The following SGCZ variants were observed in gnomAD, a reference collection of about 807,000 sequenced individuals.
The protein encoded by SGCZ is zeta-sarcoglycan.
SGCZ carries 40 observed loss-of-function variants against 41.3 expected under a neutral mutation model. The observed-to-expected ratio is 0.97, with a 90% confidence interval of 0.75 to 1.26. The LOEUF is 1.26. Among genes scored for constraint, SGCZ ranks in the 50% most tolerant of loss-of-function variants. SGCZ has a pLI of 0.00. For synonymous variants in SGCZ, 206 were observed against 137.5 expected, an observed-to-expected ratio of 1.50 and a Z score of -3.49; for missense variants, 552 against 369.8, an observed-to-expected ratio of 1.49 and a Z score of -4.04.
intron 2 of SGCZ, among the ~76,000 whole-genome samples, chr8:14,430,625 G>C (rs1799917722): frequency 6.6e-6 from 1 of 152,052 alleles, no homozygotes; most frequent in Admixed American, 6.5e-5. Context: ...TTCCCTCTGA[G>C]AACTGGAATG....
intron 1 of SGCZ, among the ~76,000 whole-genome samples, chr8:14,591,300 T>G (rs1805232503): frequency 6.6e-6 from 1 of 151,996 alleles, no homozygotes; most frequent in African/African-American, 2.4e-5. Context: ...AATTAAATAT[T>G]ATGTTTTACT....
intron 3 of SGCZ, among the ~76,000 whole-genome samples, chr8:14,313,294 A>T (rs1035346898): frequency 5.9e-5 from 9 of 152,052 alleles, no homozygotes; most frequent in African/African-American, 2.2e-4. Context: ...TTTGTCTGCT[A>T]CCCCAGGGCT....
chr8:15,172,193 GCT>G (rs1318857068), intron 1 of SGCZ, among the ~76,000 whole-genome samples: 1 of 82,678 alleles, frequency 1.2e-5, no homozygotes, highest in Non-Finnish European at 2.2e-5. Context: ...ACGGAGTTTC[GCT>G]CTGTCGCCCA....
chr8:14,992,517 C>T (rs1170078232), intron 1 of SGCZ, among the ~76,000 whole-genome samples: 5 of 149,712 alleles, frequency 3.3e-5, no homozygotes, highest in Non-Finnish European at 5.9e-5. Flanking sequence ...ATTTACCTCT[C>T]ACCCTCAACT....
intron 6 of SGCZ, among the ~76,000 whole-genome samples, chr8:14,104,733 T>A (rs1014557130): frequency 1.3e-5 from 2 of 151,842 alleles, no homozygotes; most frequent in Admixed American, 6.6e-5. Context: ...AATATATTAA[T>A]GATGTGTATT....
chr8:14,326,649 C>T (rs1802126905), intron 2 of SGCZ, among the ~76,000 whole-genome samples: 1 of 152,048 alleles, frequency 6.6e-6, no homozygotes. Context: ...TACAGGAAAC[C>T]AACCCAAAAT....
intron 2 of SGCZ, among the ~76,000 whole-genome samples, chr8:14,541,288 C>G (rs559450317): frequency 6.6e-6 from 1 of 152,008 alleles, no homozygotes; most frequent in African/African-American, 2.4e-5. Flanking sequence ...TGTCCTAATG[C>G]TCTCCCTCCC....
intron 2 of SGCZ, among the ~76,000 whole-genome samples, chr8:14,427,928 T>C (rs1454521307): frequency 3.9e-5 from 6 of 152,118 alleles, no homozygotes; most frequent in South Asian, 2.1e-4. Context: ...AGCACTTACA[T>C]TCTATTAGGT....
At chr8:14,526,246 A>T (rs1356622047) in intron 2 of SGCZ, among the ~76,000 whole-genome samples, 1 of 152,038 alleles carries the variant, frequency 6.6e-6, no homozygotes, top group Non-Finnish European at 1.5e-5. Flanking sequence ...AAATCATAAA[A>T]TGTTTACATA....
At chr8:15,014,926 G>T (rs541008739) in intron 1 of SGCZ, among the ~76,000 whole-genome samples, 3 of 152,278 alleles carry the variant, frequency 2.0e-5, no homozygotes, top group African/African-American at 4.8e-5. Context: ...CGCAAACCTG[G>T]TCTTCTCATT....
At chr8:14,157,959 A>G (rs1482950303) in intron 5 of SGCZ, among the ~76,000 whole-genome samples, 2 of 152,192 alleles carry the variant, frequency 1.3e-5, no homozygotes, top group Non-Finnish European at 2.9e-5. Context: ...AGGTAGGCAG[A>G]TCACTTGAGG....
intron 2 of SGCZ, among the ~76,000 whole-genome samples, chr8:14,405,371 A>G (rs1353421837): frequency 2.0e-5 from 3 of 151,606 alleles, no homozygotes; most frequent in Non-Finnish European, 4.4e-5. Context: ...TCTCACACAC[A>G]TTCCATTAAG....
At chr8:14,290,767 G>C (rs1042000338) in intron 3 of SGCZ, among the ~76,000 whole-genome samples, 9 of 151,980 alleles carry the variant, frequency 5.9e-5, no homozygotes, top group Non-Finnish European at 2.9e-5. Flanking sequence ...CAATTCTTTT[G>C]AAAAACAGTA....
At chr8:14,962,015 C>A (rs868305935) in intron 1 of SGCZ, among the ~76,000 whole-genome samples, 2 of 152,030 alleles carry the variant, frequency 1.3e-5, no homozygotes, top group South Asian at 4.2e-4. Context: ...TATCATTTTC[C>A]AATTAATCTG....
At chr8:14,322,991 G>C (rs1410633858) in intron 3 of SGCZ, among the ~76,000 whole-genome samples, 1 of 151,950 alleles carries the variant, frequency 6.6e-6, no homozygotes, top group Non-Finnish European at 1.5e-5. Flanking sequence ...GTAAGGTCAG[G>C]TATTCATACA....
intron 2 of SGCZ, among the ~76,000 whole-genome samples, chr8:14,387,393 C>G (rs1804612337): frequency 6.6e-6 from 1 of 152,066 alleles, no homozygotes; most frequent in Non-Finnish European, 1.5e-5. Context: ...TAAAAATATC[C>G]ACTATGTAGT....
At chr8:15,236,940 C>G (rs533934766) in intron 1 of SGCZ, among the ~76,000 whole-genome samples, 1 of 152,178 alleles carries the variant, frequency 6.6e-6, no homozygotes, top group Non-Finnish European at 1.5e-5. Flanking sequence ...GACCTGCTCC[C>G]GCGCCTGGGG....
At chr8:14,779,112 T>C (rs1800503836) in intron 1 of SGCZ, among the ~76,000 whole-genome samples, 2 of 152,334 alleles carry the variant, frequency 1.3e-5, no homozygotes, top group East Asian at 1.9e-4. Flanking sequence ...GCTTCTAACA[T>C]AGTCCCGTGA....
intron 2 of SGCZ, among the ~76,000 whole-genome samples, chr8:14,421,302 C>G (rs1799630885): frequency 6.6e-6 from 1 of 152,084 alleles, no homozygotes; most frequent in African/African-American, 2.4e-5. Context: ...AGTCTTCCTT[C>G]TCTTTATTAT....
Sources: allele counts gnomAD v4.1 joint callset (sites outside exome capture counted in the v4.1 genomes callset), GRCh38; gene constraint gnomAD v4.1.1; transcripts MANE v1.5; gene names NCBI Gene and HGNC (gene_info 2026-07-23, HGNC 2026-07-21).